ZNF615: variants seen among roughly 807,000 people sequenced by gnomAD.
The protein encoded by ZNF615 is zinc finger protein 615.
Under a neutral mutation model 15.3 loss-of-function variants are expected in ZNF615, and 15 were observed. The observed-to-expected ratio is 0.98, with a 90% CI of 0.66 to 1.51. ZNF615 has a LOEUF of 1.51. ZNF615 is among the 40% of genes most tolerant of loss of function. The pLI, the probability that ZNF615 is intolerant of heterozygous loss-of-function variation, is 0.00. For missense variants in ZNF615, 848 were observed against 895.9 expected (o/e 0.95, Z 0.68); for synonymous variants, 268 against 294.6 (o/e 0.91, Z 0.92).
chr19:52,006,588 T>C (rs2086759014), intron 2 of ZNF615, among the ~76,000 whole-genome samples: 1 of 152,210 alleles, frequency 6.6e-6, no homozygotes, highest in South Asian at 2.1e-4. Context: ...GTTAATCATA[T>C]ACAGAATTAT....
chr19:51,994,881 G>A (rs201460865), intron 6 of ZNF615, 44 bp from the exon 7 acceptor site: 1 of 1,497,110 alleles, frequency 6.7e-7, no homozygotes, highest in East Asian at 2.3e-5. Context: ...ATCTTGTTTT[G>A]AAATAAACTA....
intron 2 of ZNF615, among the ~76,000 whole-genome samples, chr19:52,006,394 G>A (rs1333432227): frequency 6.6e-6 from 1 of 152,150 alleles, no homozygotes; most frequent in Non-Finnish European, 1.5e-5. Context: ...AACAAGTAAA[G>A]CGACACAAGT....
rs2086351919 is a variant in ZNF615 at position 51,994,290 on chromosome 19, G to A, written c.819C>T (p.Cys273=). ...RTHTELKHYE[C]TECDKTFLKK... ...TGAGGAAGGTTTTGTCACATTCAGT[G>A]CATTCATAATGTTTCAGTTCTGTAT... The change falls in exon 7 of 7, where the codon TGC becomes TGT. Residue 273 remains cysteine, a synonymous_variant. Coordinates refer to ENST00000598071, the MANE Select transcript of ZNF615 (RefSeq NM_001199324.2). 1 of 1,613,990 alleles carries A rather than the reference G, an allele frequency of 6.2e-7. No homozygotes were observed. The highest frequency in any genetic ancestry group is 1.7e-5 in the Admixed American group (1 of 60,006).
Position 51,993,189 on chromosome 19 carries a change from ACATT to A in ZNF615, c.1916_1919del (p.Glu639ValfsTer114), listed in dbSNP as rs780523395. The A allele has an allele frequency of 3.0e-5, 48 of 1,614,100 alleles. No homozygotes were observed. The highest frequency in any genetic ancestry group is 3.9e-5 in the Non-Finnish European group (46 of 1,180,044). On this transcript the variant is annotated frameshift_variant, in exon 7 of 7. Coordinates refer to ENST00000598071, the MANE Select transcript of ZNF615 (RefSeq NM_001199324.2). LOFTEE classifies it low-confidence loss of function (END_TRUNC). Reference sequence around the variant, plus strand: ...ATGTCTTCTTCCTGAAGGTTTTATCACATTCATTGCATTTGTATGGCTTCTCTCC... The same window carrying A: ...ATGTCTTCTTCCTGAAGGTTTTATCACATTGCATTTGTATGGCTTCTCTCC...
At chr19:52,006,733 T>C (rs2086763494) in intron 2 of ZNF615, among the ~76,000 whole-genome samples, 2 of 152,180 alleles carry the variant, frequency 1.3e-5, no homozygotes, top group Admixed American at 6.5e-5. Flanking sequence ...ACAATGTTAA[T>C]GGTAAAAGCT....
rs191054266 is a variant in ZNF615 at position 52,000,450 on chromosome 19, T to C, written c.239-72A>G. The C allele has an allele frequency of 1.1e-4, 62 of 556,528 alleles. 1 individual carries two copies. The highest frequency in any genetic ancestry group is 3.1e-4 in the Admixed American group (11 of 35,594). The allele number at this position is 556,528 out of a possible 1,614,324, so 34.5% of individuals were successfully genotyped here. A position where few individuals can be genotyped will look rare whatever the true frequency, so the allele number is the denominator to read the frequency against. On this transcript the variant is annotated intron_variant, in intron 5 of 6. Coordinates refer to ENST00000598071, the MANE Select transcript of ZNF615 (RefSeq NM_001199324.2). ...TATATAAGGATAGCCAAAAGCATTA[T>C]TCTTAGAGGGAAGATGATTCTTGTT...
intron 6 of ZNF615, among the ~76,000 whole-genome samples, chr19:51,996,407 A>AAAAAAAAAAAAAAAAAAAC (rs755143397): frequency 1.0e-4 from 14 of 138,382 alleles, no homozygotes; most frequent in Non-Finnish European, 1.7e-4. Flanking sequence ...AAAAAAAAAA[A>AAAAAAAAAAAAAAAAAAAC]ACGCAAAACT....
At chr19:51,995,564 CTTTTTT>C (rs61537011) in intron 6 of ZNF615, among the ~76,000 whole-genome samples, 1 of 135,540 alleles carries the variant, frequency 7.4e-6, no homozygotes, top group Non-Finnish European at 1.6e-5. Flanking sequence ...AAACACCTTC[CTTTTTT>C]TTTTTTTTTT....
chr19:52,002,107 G>A (rs1192927601), intron 4 of ZNF615, 48 bp downstream of exon 4: 1 of 1,614,168 alleles, frequency 6.2e-7, no homozygotes, highest in South Asian at 1.1e-5. Context: ...GAGAAAGGAA[G>A]GCCACTGACT....
chr19:52,004,476 C>T (rs2086691906), intron 2 of ZNF615: 1 of 152,028 alleles, frequency 6.6e-6, no homozygotes, highest in Non-Finnish European at 1.5e-5. Flanking sequence ...TCACTGCAAC[C>T]TCCATCTCCT....
At position 52,003,690 on chromosome 19, in the gene ZNF615, A is replaced by C. The variant is rs923857463; in HGVS notation, c.15+7T>G. 2 of 1,612,220 alleles carry C rather than the reference A, an allele frequency of 1.2e-6. No homozygotes were observed. Among genetic ancestry groups the C allele is most frequent in the Non-Finnish European group, 1.7e-6 (2 of 1,179,036 alleles). On this transcript the variant is annotated splice_region_variant and intron_variant, in intron 3 of 6. Transcript: ENST00000598071. ...TAAAGGAAAGAATAAAACAAACCAA[A>C]AGTCACCTGGGCCTGCATCATTGTC...
rs568192827 is a variant in ZNF615 at position 52,001,574 on chromosome 19, C to T, written c.238+239G>A. Among the ~76,000 whole-genome samples, 6 of 148,134 alleles carry T rather than the reference C, an allele frequency of 4.1e-5. No homozygotes were observed. The East Asian group carries it at 5.9e-4, about 15-fold the overall frequency. On this transcript the variant is annotated intron_variant, in intron 5 of 6. Coordinates refer to ENST00000598071, the MANE Select transcript of ZNF615 (RefSeq NM_001199324.2). ...CGGAGGTTGCAGTGAGCCAAGATTG[C>T]GCTACTGCTCTCCAGCCTGGTGACA...
chr19:52,008,109 C>A, intron 1 of ZNF615, 32 bp downstream of exon 1: 1 of 1,533,394 alleles, frequency 6.5e-7, no homozygotes, highest in Non-Finnish European at 8.7e-7. Context: ...CCTCCCCCGT[C>A]ACCACAGCGA....
intron 6 of ZNF615, among the ~76,000 whole-genome samples, chr19:51,996,225 A>C (rs1249628840): frequency 2.0e-5 from 3 of 152,012 alleles, no homozygotes; most frequent in African/African-American, 7.2e-5. Context: ...CTGTGTCTCT[A>C]CTAAAAATAC....
intron 6 of ZNF615, among the ~76,000 whole-genome samples, chr19:51,997,499 T>G (rs1293456133): frequency 7.2e-6 from 1 of 139,372 alleles, no homozygotes; most frequent in African/African-American, 2.9e-5. Flanking sequence ...CTCCAACTAA[T>G]GACCTAACTG....
intron 6 of ZNF615, among the ~76,000 whole-genome samples, chr19:51,995,109 C>T (rs1000236821): frequency 6.6e-6 from 1 of 151,922 alleles, no homozygotes; most frequent in African/African-American, 2.4e-5. Flanking sequence ...GGTTGAAAAC[C>T]CTATTTTAGT....
intron 6 of ZNF615, among the ~76,000 whole-genome samples, chr19:51,998,643 G>A (rs1023213950): frequency 2.6e-5 from 4 of 152,094 alleles, no homozygotes; most frequent in Admixed American, 6.6e-5. Context: ...GAATATAGTA[G>A]GCTATCAAAA....
At position 52,008,103 on chromosome 19, in the gene ZNF615, C is replaced by T. The variant is rs560875818; in HGVS notation, c.-228+38G>A. 3.5e-5 allele frequency: 53 copies of T among 1,531,134 alleles called. No homozygotes were observed. In the East Asian group the frequency reaches 1.3e-3, roughly 36 times the overall value. The allele number at this position is 1,531,134 out of a possible 1,614,324, so 94.8% of individuals were successfully genotyped here. On this transcript the variant is annotated intron_variant, in intron 1 of 6. Coordinates refer to ENST00000598071, the MANE Select transcript of ZNF615 (RefSeq NM_001199324.2). ...GCCCAGCCACGGACAGAATTTCCTC[C>T]CCCGTCACCACAGCGACCACCCAGT...
chr19:52,007,327 G>A lies in ZNF615; in HGVS notation c.-224C>T. ...GATGTTATCTTACTTGTGTCAGAAA[G>A]AACCTGAAAAGAAATATCCAAGAGG... On this transcript the variant is annotated 5_prime_UTR_variant, in exon 2 of 7. Coordinates refer to ENST00000598071, the MANE Select transcript of ZNF615 (RefSeq NM_001199324.2). 1 of 1,288,466 alleles carries A rather than the reference G, an allele frequency of 7.8e-7. No homozygotes were observed. Among genetic ancestry groups the A allele is most frequent in the South Asian group, 1.2e-5 (1 of 80,782 alleles). 79.8% of individuals were successfully genotyped at this position (1,288,466 alleles called of 1,614,324 possible).
Sources: gnomAD v4.1 joint callset for allele counts (sites outside exome capture counted in the v4.1 genomes callset) on GRCh38, gnomAD v4.1.1 for gene constraint, MANE v1.5 for transcripts, NCBI Gene and HGNC (gene_info 2026-07-23, HGNC 2026-07-21) for gene names.